Variants in HIBCH observed in about 807,000 individuals in gnomAD.
The protein encoded by HIBCH is 3-hydroxyisobutyryl-CoA hydrolase, also known as 3-hydroxyisobutyryl-CoA hydrolase, mitochondrial.
HIBCH carries 50 observed loss-of-function variants against 58.2 expected under a neutral mutation model. The observed-to-expected ratio is 0.86, with a 90% CI of 0.68 to 1.09. HIBCH has a LOEUF of 1.09. Among genes scored for constraint, HIBCH ranks in the 50% least tolerant of loss-of-function variants. The pLI, the probability that HIBCH is intolerant of heterozygous loss-of-function variation, is 0.00. For synonymous variants in HIBCH, 151 were observed against 146.9 expected, an observed-to-expected ratio of 1.03 and a Z score of -0.20; for missense variants, 450 against 449.7, an observed-to-expected ratio of 1.00 and a Z score of -0.01.
intron 11 of HIBCH, among the ~76,000 whole-genome samples, chr2:190,228,496 A>G (rs1685987155): frequency 6.6e-6 from 1 of 151,992 alleles, no homozygotes; most frequent in Non-Finnish European, 1.5e-5. Flanking sequence ...CACATATACA[A>G]AAGTAACAAA....
At chr2:190,288,109 T>G (rs574724026) in intron 5 of HIBCH, among the ~76,000 whole-genome samples, 1 of 149,448 alleles carries the variant, frequency 6.7e-6, no homozygotes, top group South Asian at 2.1e-4. Context: ...CAGTGAGCTG[T>G]GATCATGCCA....
chr2:190,244,375 G>A (rs894237242), intron 11 of HIBCH, among the ~76,000 whole-genome samples: 91 of 152,080 alleles, frequency 6.0e-4, no homozygotes, highest in African/African-American at 1.7e-3. Context: ...AGATCAAAGT[G>A]TACCTAACAC....
intron 1 of HIBCH, among the ~76,000 whole-genome samples, chr2:190,194,150 C>A (rs972656561): frequency 4.6e-5 from 7 of 152,120 alleles, no homozygotes; most frequent in Non-Finnish European, 1.0e-4. Context: ...CCTTTGAAAT[C>A]TGCTGAGACT....
chr2:190,224,652 G>A (rs1685836677), intron 11 of HIBCH, among the ~76,000 whole-genome samples: 1 of 152,128 alleles, frequency 6.6e-6, no homozygotes, highest in Non-Finnish European at 1.5e-5. Context: ...TTACAGACCT[G>A]CAAAGAGACT....
intron 6 of HIBCH, among the ~76,000 whole-genome samples, chr2:190,273,966 T>A (rs910513391): frequency 2.6e-5 from 4 of 152,102 alleles, no homozygotes; most frequent in African/African-American, 9.7e-5. Flanking sequence ...TGCACCACCA[T>A]GCCTGGTTAA....
At chr2:190,191,930 G>T in intron 1 of HIBCH, among the ~76,000 whole-genome samples, 1 of 150,012 alleles carries the variant, frequency 6.7e-6, no homozygotes, top group African/African-American at 2.5e-5. Context: ...TCTTTTAACT[G>T]TGTTTTTTTT....
At chr2:190,240,339 G>A (rs889145371) in intron 11 of HIBCH, among the ~76,000 whole-genome samples, 3 of 152,074 alleles carry the variant, frequency 2.0e-5, no homozygotes, top group Non-Finnish European at 4.4e-5. Context: ...TGGGATCGGT[G>A]GTGATATCCC....
chr2:190,228,048 C>T (rs915148345), intron 11 of HIBCH, among the ~76,000 whole-genome samples: 6 of 152,180 alleles, frequency 3.9e-5, no homozygotes, highest in South Asian at 2.1e-4. Context: ...ATCCCATTAC[C>T]GAGTATGTAC....
At chr2:190,277,495 G>A (rs1486503616) in intron 6 of HIBCH, among the ~76,000 whole-genome samples, 1 of 152,130 alleles carries the variant, frequency 6.6e-6, no homozygotes, top group Non-Finnish European at 1.5e-5. Flanking sequence ...CCAGAATCAA[G>A]CAAGTACTAT....
intron 7 of HIBCH, among the ~76,000 whole-genome samples, chr2:190,260,042 T>C (rs1192066994): frequency 6.6e-6 from 1 of 152,110 alleles, no homozygotes; most frequent in Non-Finnish European, 1.5e-5. Flanking sequence ...TATTCAACAT[T>C]GTATTGGAAG....
intron 5 of HIBCH, among the ~76,000 whole-genome samples, chr2:190,290,130 C>T (rs1687924441): frequency 6.6e-6 from 1 of 152,192 alleles, no homozygotes; most frequent in African/African-American, 2.4e-5. Flanking sequence ...CCACCCACCT[C>T]AGCCTCCCAA....
intron 7 of HIBCH, among the ~76,000 whole-genome samples, chr2:190,253,696 C>G (rs945408447): frequency 2.0e-5 from 3 of 152,176 alleles, no homozygotes; most frequent in Non-Finnish European, 4.4e-5. Flanking sequence ...GCTTAAAACC[C>G]TCCCATGGCT....
At position 190,296,490 on chromosome 2, in the gene HIBCH, A is replaced by G. The variant is rs959527148; in HGVS notation, c.219+323T>C. On this transcript the variant is annotated intron_variant, in intron 3 of 13. Transcript: ENST00000359678. The stretch of plus-strand genomic sequence containing the variant: ...AGGTGGAAGCAGATTCGATTTGTAC[A>G]CTCATCCTCTCAGAGGCAGAACCAG... Among the ~76,000 whole-genome samples the G allele has an allele frequency of 2.6e-5, 4 of 152,106 alleles. No individual in the cohort carries two copies. In the East Asian group the frequency reaches 7.7e-4, roughly 29 times the overall value.
chr2:190,319,026 A>G (rs1477743962), intron 1 of HIBCH, among the ~76,000 whole-genome samples: 2 of 152,162 alleles, frequency 1.3e-5, no homozygotes. Context: ...TTTTAAAGAA[A>G]TAAGGACGGT....
At chr2:190,261,133 TA>T (rs759652965) in intron 7 of HIBCH, 22 bp downstream of exon 7, 131 of 1,556,086 alleles carry the variant, frequency 8.4e-5, no homozygotes, top group Non-Finnish European at 1.1e-4. Flanking sequence ...AAAGTAATTA[TA>T]AAAAAAATTC....
chr2:190,190,695 C>G (rs1319101577), intron 1 of HIBCH, among the ~76,000 whole-genome samples: 2 of 152,160 alleles, frequency 1.3e-5, no homozygotes, highest in Non-Finnish European at 2.9e-5. Context: ...CATGTCCTCA[C>G]CAACACTAAG....
In HIBCH at chr2:190,260,102, T is replaced by C. The variant is rs35379181; in HGVS notation, c.517+1054A>G. On this transcript the variant is annotated intron_variant, in intron 7 of 13. Coordinates refer to ENST00000359678, the MANE Select transcript of HIBCH (RefSeq NM_014362.4). ...AGAAAGAAATAAAAGGTATCCAGAT[T>C]AGAAAAAGGAAAGGAAAAAGTAAAA... is the stretch of plus-strand genomic sequence containing the variant. Among the ~76,000 whole-genome samples the C allele has an allele frequency of 6.4e-3, 970 of 152,206 alleles. 10 individuals are homozygous for C. Among genetic ancestry groups the C allele is most frequent in the Non-Finnish European group, 0.011 (771 of 67,996 alleles).
intron 2 of HIBCH, among the ~76,000 whole-genome samples, chr2:190,302,760 TG>T (rs1259082404): frequency 4.6e-5 from 7 of 152,074 alleles, no homozygotes; most frequent in African/African-American, 7.2e-5. Context: ...GTCTAGTCAT[TG>T]GGGGGAACAG....
Position 190,191,453 on chromosome 2 carries a change from A to AT in HIBCH, c.*18-1457dup, listed in dbSNP as rs575895374. Among the ~76,000 whole-genome samples the AT allele has an allele frequency of 2.8e-3, 421 of 152,198 alleles. 1 individual carries two copies. Among genetic ancestry groups the AT allele is most frequent in the Admixed American group, 5.2e-3 (80 of 15,290 alleles). ...CGCCACCGTCCCCAGCCAGCATACA[A>AT]TTTTTTTATGTGAACACAAATTTTC... On this transcript the variant is annotated intron_variant, in intron 1 of 1. Coordinates refer to the HIBCH transcript ENST00000399855.
Sources: allele counts gnomAD v4.1 joint callset (sites outside exome capture counted in the v4.1 genomes callset), GRCh38; gene constraint gnomAD v4.1.1; transcripts MANE v1.5; gene names NCBI Gene and HGNC (gene_info 2026-07-23, HGNC 2026-07-21).